Variants in MGAT4C observed in about 807,000 individuals in gnomAD.
MGAT4C encodes alpha-1,3-mannosyl-glycoprotein 4-beta-N-acetylglucosaminyltransferase C.
A neutral mutation model predicts 40.1 loss-of-function variants in MGAT4C; 19 were observed. That is an observed-to-expected ratio of 0.47 (90% CI 0.33 to 0.70). The LOEUF is 0.70. Ranked by LOEUF, MGAT4C falls within the 30% of genes least tolerant of loss-of-function variation. MGAT4C has a pLI of 0.02. For missense variants in MGAT4C, 491 were observed against 563.2 expected, an observed-to-expected ratio of 0.87 and a Z score of 1.30; for synonymous variants, 181 against 187.1, an observed-to-expected ratio of 0.97 and a Z score of 0.27.
chr12:86,035,662 C>T (rs548219435), intron 2 of MGAT4C, among the ~76,000 whole-genome samples: 3 of 149,852 alleles, frequency 2.0e-5, no homozygotes, highest in Non-Finnish European at 4.5e-5. Flanking sequence ...ATGCCAAAGT[C>T]CTGAATGGTA....
rs936454694 is a variant in MGAT4C at position 86,511,897 on chromosome 12, G to T, written c.-228-76632C>A. Among the ~76,000 whole-genome samples the T allele has an allele frequency of 5.9e-5, 9 of 152,112 alleles. No individual in the cohort carries two copies. The South Asian group carries it at 6.2e-4, about 11-fold the overall frequency. On this transcript the variant is annotated intron_variant, in intron 2 of 7. Coordinates refer to the MGAT4C transcript ENST00000548651. Reference sequence around the variant, plus strand: ...ACAAAAGTAAAAATAAACCAGTGGGGCTACATCAAACTAAAAATCTTTTGC... The same window carrying T: ...ACAAAAGTAAAAATAAACCAGTGGGTCTACATCAAACTAAAAATCTTTTGC...
chr12:86,448,235 A>C (rs1415441211), intron 2 of MGAT4C, among the ~76,000 whole-genome samples: 1 of 152,066 alleles, frequency 6.6e-6, no homozygotes, highest in African/African-American at 2.4e-5. Context: ...TCATTTGTAC[A>C]CTTTTTATTG....
intron 1 of MGAT4C, among the ~76,000 whole-genome samples, chr12:86,093,705 G>A (rs1215896947): frequency 1.3e-5 from 2 of 151,604 alleles, no homozygotes; most frequent in Non-Finnish European, 2.9e-5. Flanking sequence ...TCTAGCCTGG[G>A]CAAGGCAGAG....
At chr12:86,037,899 C>G (rs371305748) in intron 2 of MGAT4C, among the ~76,000 whole-genome samples, 2 of 149,502 alleles carry the variant, frequency 1.3e-5, no homozygotes, top group South Asian at 4.2e-4. Context: ...GTGTTAAAGT[C>G]TCCCACTATT....
chr12:86,703,337 A>G (rs1488644521), intron 2 of MGAT4C, among the ~76,000 whole-genome samples: 1 of 152,214 alleles, frequency 6.6e-6, no homozygotes, highest in South Asian at 2.1e-4. Context: ...GTAAAATGCT[A>G]TATAACATCA....
chr12:86,461,314 C>A (rs867495009), intron 2 of MGAT4C, among the ~76,000 whole-genome samples: 48 of 149,196 alleles, frequency 3.2e-4, no homozygotes, highest in African/African-American at 1.2e-3. Context: ...GGCGCAATCT[C>A]GGCTCACTGC....
chr12:86,249,784 C>G lies in MGAT4C; in HGVS notation c.-57+6455G>C, dbSNP rs1952190212. On this transcript the variant is annotated intron_variant, in intron 1 of 4. Transcript: ENST00000611864. ...ATGAGGTCCCTCTATCTGAAATATC[C>G]TTTGCCCACCTGTACCTGAAAAAGT... 2.0e-5 allele frequency among the ~76,000 whole-genome samples: 3 copies of G among 152,096 alleles called. No homozygotes were observed. In the South Asian group the frequency reaches 6.2e-4, roughly 31 times the overall value.
intron 3 of MGAT4C, among the ~76,000 whole-genome samples, chr12:86,421,464 C>G (rs1012793311): frequency 2.0e-5 from 3 of 152,140 alleles, no homozygotes; most frequent in African/African-American, 7.2e-5. Flanking sequence ...GCCAAGCAGC[C>G]TATGCTTGTT....
At chr12:86,644,669 T>C (rs1963485132) in intron 2 of MGAT4C, among the ~76,000 whole-genome samples, 1 of 151,764 alleles carries the variant, frequency 6.6e-6, no homozygotes, top group Non-Finnish European at 1.5e-5. Flanking sequence ...AGTCCATCAA[T>C]TGTAGACTGA....
chr12:86,245,271 CA>C (rs969605066), intron 1 of MGAT4C, among the ~76,000 whole-genome samples: 6 of 152,144 alleles, frequency 3.9e-5, no homozygotes, highest in Non-Finnish European at 5.9e-5. Flanking sequence ...CAGAGAGGAG[CA>C]ATTAGGTCTC....
At chr12:86,101,157 T>G (rs553555823) in intron 1 of MGAT4C, among the ~76,000 whole-genome samples, 3 of 151,938 alleles carry the variant, frequency 2.0e-5, no homozygotes, top group Admixed American at 1.3e-4. Context: ...ACAGCATTCA[T>G]TTTTACTCTG....
intron 2 of MGAT4C, among the ~76,000 whole-genome samples, chr12:86,041,912 G>A (rs146749336): frequency 3.9e-5 from 6 of 152,206 alleles, no homozygotes; most frequent in East Asian, 3.9e-4. Flanking sequence ...TCTGTGGGGC[G>A]TTGAACCCTC....
chr12:86,602,980 A>G (rs2136462015), intron 2 of MGAT4C, among the ~76,000 whole-genome samples: 1 of 151,884 alleles, frequency 6.6e-6, no homozygotes, highest in Non-Finnish European at 1.5e-5. Context: ...ATGAATATGA[A>G]GCATATTACG....
intron 2 of MGAT4C, among the ~76,000 whole-genome samples, chr12:86,010,235 G>A (rs1888321321): frequency 6.6e-6 from 1 of 152,104 alleles, no homozygotes; most frequent in African/African-American, 2.4e-5. Flanking sequence ...GACATCAGAA[G>A]CAAAGTTAGA....
chr12:86,177,893 T>C (rs1887641742), intron 1 of MGAT4C, among the ~76,000 whole-genome samples: 1 of 152,152 alleles, frequency 6.6e-6, no homozygotes, highest in Admixed American at 6.5e-5. Context: ...CTATTAGGGA[T>C]AGGCATTCAA....
chr12:86,293,629 G>T (rs1953582188), intron 4 of MGAT4C, among the ~76,000 whole-genome samples: 1 of 152,108 alleles, frequency 6.6e-6, no homozygotes, highest in South Asian at 2.1e-4. Context: ...GAGTCATTAT[G>T]ATATGTTTGT....
chr12:86,834,009 T>C (rs1952984697), intron 1 of MGAT4C, among the ~76,000 whole-genome samples: 1 of 151,910 alleles, frequency 6.6e-6, no homozygotes, highest in Non-Finnish European at 1.5e-5. Context: ...CCAAATTTCT[T>C]TCTTTTTTAA....
At chr12:86,012,237 G>A (rs566133016) in intron 2 of MGAT4C, among the ~76,000 whole-genome samples, 1 of 152,192 alleles carries the variant, frequency 6.6e-6, no homozygotes, top group East Asian at 1.9e-4. Context: ...GAAATCCTGA[G>A]CATATTTTTT....
In MGAT4C at chr12:85,987,586, T is replaced by C. The variant is rs1885399038; in HGVS notation, c.147+1814A>G. Among the ~76,000 whole-genome samples the C allele has an allele frequency of 1.3e-5, 2 of 152,222 alleles. 1 individual carries two copies. Among genetic ancestry groups the C allele is most frequent in the South Asian group, 4.1e-4 (2 of 4,836 alleles). On this transcript the variant is annotated intron_variant, in intron 3 of 4. Transcript: ENST00000611864. ...AGCTACTTCATTAAATCATATTATC[T>C]ACATTTGATGACTAGGACCAATGTT...
Sources: allele counts gnomAD v4.1 joint callset (sites outside exome capture counted in the v4.1 genomes callset), GRCh38; gene constraint gnomAD v4.1.1; transcripts MANE v1.5; gene names NCBI Gene and HGNC (gene_info 2026-07-23, HGNC 2026-07-21).